Variants in NAV3 observed in about 807,000 individuals in gnomAD.
The protein encoded by NAV3 is neuron navigator 3.
A neutral mutation model predicts 244.7 loss-of-function variants in NAV3; 87 were observed. The ratio of observed to expected loss-of-function variants is 0.36; its 90% CI spans 0.30 to 0.42. The LOEUF is 0.42. Ranked by LOEUF, NAV3 falls within the 20% of genes least tolerant of loss-of-function variation. The pLI, the probability that NAV3 is intolerant of heterozygous loss-of-function variation, is 1.00. For missense variants in NAV3, 2,663 were observed against 2,893.3 expected (o/e 0.92, Z 1.83); for synonymous variants, 1,126 against 1,042.2 (o/e 1.08, Z -1.55).
intron 3 of NAV3, among the ~76,000 whole-genome samples, chr12:77,946,537 G>A (rs1264707589): frequency 6.6e-6 from 1 of 152,060 alleles, no homozygotes; most frequent in African/African-American, 2.4e-5. Flanking sequence ...AACTTAGTTT[G>A]TTGGAGCTTA....
chr12:78,022,756 C>T (rs2136833516), intron 9 of NAV3, among the ~76,000 whole-genome samples: 1 of 152,236 alleles, frequency 6.6e-6, no homozygotes, highest in East Asian at 1.9e-4. Context: ...AGAAACTTCC[C>T]CACTTCGGCA....
At chr12:77,816,958 C>T (rs990356830) in intron 2 of NAV3, among the ~76,000 whole-genome samples, 21 of 152,262 alleles carry the variant, frequency 1.4e-4, no homozygotes, top group Non-Finnish European at 2.9e-4. Flanking sequence ...AAGAATTCTT[C>T]CTTATTGACA....
At chr12:77,950,562 A>G (rs1044497493) in intron 3 of NAV3, 2 of 152,196 alleles carry the variant, frequency 1.3e-5, no homozygotes, top group African/African-American at 4.8e-5. Flanking sequence ...AATTGGAAAT[A>G]ACTACTTTAA....
rs1889750888 is a variant in NAV3, at chr12:77,940,364, A to G, written c.289A>G (p.Lys97Glu). ...ANHYLAKSGH[K>E]RLIKDLQQDI... ...CCACTACCTAGCAAAATCAGGCCAC[A>G]AGCGGCTGATCAAGGACTTGCAACA... Residue 97 changes from lysine (K) to glutamate (E), a missense_variant, in exon 2 of 40, where the codon AAG becomes GAG. Lys to Glu is a moderately conservative substitution (Grantham distance 56). This residue lies in a region of NAV3 where 1,521 missense variants were observed against 1,497.0 expected (regional missense o/e 1.02). Coordinates refer to ENST00000397909, the MANE Select transcript of NAV3 (RefSeq NM_001024383.2). The G allele has an allele frequency of 6.2e-7, 1 of 1,613,972 alleles. No homozygotes were observed. Among genetic ancestry groups the G allele is most frequent in the East Asian group, 2.2e-5 (1 of 44,868 alleles).
At chr12:77,988,252 G>A in intron 5 of NAV3, among the ~76,000 whole-genome samples, 1 of 152,196 alleles carries the variant, frequency 6.6e-6, no homozygotes, top group East Asian at 1.9e-4. Context: ...GGTGATGTCA[G>A]TGTTGTTGGT....
At chr12:77,698,316 C>T (rs960108696) in intron 2 of NAV3, among the ~76,000 whole-genome samples, 10 of 152,092 alleles carry the variant, frequency 6.6e-5, no homozygotes, top group South Asian at 4.2e-4. Flanking sequence ...GGCTTGCCTG[C>T]GAATCATTTC....
intron 2 of NAV3, among the ~76,000 whole-genome samples, chr12:77,777,360 A>G (rs1276598012): frequency 6.6e-6 from 1 of 152,176 alleles, no homozygotes; most frequent in Non-Finnish European, 1.5e-5. Flanking sequence ...CCTTGTGATG[A>G]TGTGAAATAG....
At chr12:78,167,097 G>C (rs1342937598) in intron 23 of NAV3, among the ~76,000 whole-genome samples, 1 of 151,520 alleles carries the variant, frequency 6.6e-6, no homozygotes, top group Non-Finnish European at 1.5e-5. Flanking sequence ...TTTATTTCTT[G>C]GGGGATATTT....
chr12:77,647,906 A>G (rs1872670165), intron 2 of NAV3, among the ~76,000 whole-genome samples: 1 of 152,250 alleles, frequency 6.6e-6, no homozygotes, highest in East Asian at 1.9e-4. Flanking sequence ...TGCAGTGTAC[A>G]TCTCTACTTC....
chr12:77,934,099 T>G (rs1314847220), intron 1 of NAV3, among the ~76,000 whole-genome samples: 1 of 152,118 alleles, frequency 6.6e-6, no homozygotes, highest in East Asian at 1.9e-4. Flanking sequence ...CAGTTCCAGA[T>G]TCTTCCTTTT....
intron 2 of NAV3, among the ~76,000 whole-genome samples, chr12:77,684,941 T>C (rs1555194467): frequency 6.6e-6 from 1 of 152,178 alleles, no homozygotes; most frequent in Non-Finnish European, 1.5e-5. Flanking sequence ...TCCCTGTTGC[T>C]GACACCTTCG....
chr12:77,687,169 A>G (rs1293909279), intron 2 of NAV3, among the ~76,000 whole-genome samples: 1 of 152,110 alleles, frequency 6.6e-6, no homozygotes, highest in East Asian at 1.9e-4. Flanking sequence ...CTTTTATACT[A>G]TCAGCCCGGA....
At chr12:77,655,698 G>A (rs1873064544) in intron 2 of NAV3, among the ~76,000 whole-genome samples, 1 of 152,096 alleles carries the variant, frequency 6.6e-6, no homozygotes. Flanking sequence ...GTTAAGGGTA[G>A]CCAGAGAGAA....
intron 5 of NAV3, among the ~76,000 whole-genome samples, chr12:77,991,799 G>C (rs929605634): frequency 1.3e-5 from 2 of 152,150 alleles, no homozygotes; most frequent in Non-Finnish European, 2.9e-5. Context: ...TTGGGAGGCC[G>C]AGGTGAGCGG....
chr12:77,909,549 G>A (rs1030403826), intron 1 of NAV3, among the ~76,000 whole-genome samples: 2 of 152,004 alleles, frequency 1.3e-5, no homozygotes, highest in Non-Finnish European at 2.9e-5. Flanking sequence ...TATCTTTCAG[G>A]TAGAACAAGT....
Position 77,952,003 on chromosome 12 carries a change from C to T in NAV3, c.414+10870C>T, listed in dbSNP as rs981073921. Among the ~76,000 whole-genome samples the T allele has an allele frequency of 2.7e-5, 4 of 150,480 alleles. No individual in the cohort carries two copies. The East Asian group carries it at 7.8e-4, about 30-fold the overall frequency. On this transcript the variant is annotated intron_variant, in intron 3 of 39. Coordinates refer to ENST00000397909, the MANE Select transcript of NAV3 (RefSeq NM_001024383.2). ...TAATGGGTGCAGCACACCAACATGG[C>T]ACATGTATACATATGTAACAAACCT... is the stretch of plus-strand genomic sequence containing the variant.
intron 2 of NAV3, among the ~76,000 whole-genome samples, chr12:77,825,809 A>G (rs1179003175): frequency 6.6e-6 from 1 of 152,154 alleles, no homozygotes; most frequent in East Asian, 1.9e-4. Context: ...CCTATACCGA[A>G]ATATATAAAT....
chr12:78,088,571 A>C (rs1232344617), intron 12 of NAV3, among the ~76,000 whole-genome samples: 1 of 152,148 alleles, frequency 6.6e-6, no homozygotes, highest in Admixed American at 6.5e-5. Context: ...AAAAATCTTC[A>C]TTCTACTTGT....
At chr12:77,759,681 A>G (rs1005979192) in intron 2 of NAV3, among the ~76,000 whole-genome samples, 1 of 152,200 alleles carries the variant, frequency 6.6e-6, no homozygotes, top group Non-Finnish European at 1.5e-5. Flanking sequence ...ATTGACCACC[A>G]TGGTGTGGGT....
Sources: gnomAD v4.1 joint callset for allele counts (sites outside exome capture counted in the v4.1 genomes callset) on GRCh38, gnomAD v4.1.1 for gene constraint, gnomAD v4.1.1 regional missense constraint, MANE v1.5 for transcripts, NCBI Gene and HGNC (gene_info 2026-07-23, HGNC 2026-07-21) for gene names.